TPO: variants seen among roughly 807,000 people sequenced by gnomAD.
TPO encodes thyroid microsomal antigen.
In TPO, 78 loss-of-function variants were observed where a neutral mutation model predicts 96.9. That is an observed-to-expected ratio of 0.81 (90% confidence interval 0.67 to 0.97). The LOEUF is 0.97. TPO is among the 50% of genes least tolerant of loss of function. The pLI, the probability that TPO is intolerant of heterozygous loss-of-function variation, is 0.00. For missense variants in TPO, 1,252 were observed against 1,274.8 expected (o/e 0.98, Z 0.27); for synonymous variants, 547 against 538.0 (o/e 1.02, Z -0.23).
At chr2:1,465,517 C>T (rs1668818757) in intron 7 of TPO, among the ~76,000 whole-genome samples, 1 of 152,056 alleles carries the variant, frequency 6.6e-6, no homozygotes, top group Non-Finnish European at 1.5e-5. Flanking sequence ...AATATTGACT[C>T]TACCCATCCA....
intron 10 of TPO, among the ~76,000 whole-genome samples, chr2:1,491,687 T>G (rs1202688413): frequency 6.6e-6 from 1 of 152,230 alleles, no homozygotes; most frequent in Non-Finnish European, 1.5e-5. Context: ...AAACCAAGTG[T>G]CTACAGGTTA....
At chr2:1,421,254 A>G (rs1419118403) in intron 2 of TPO, among the ~76,000 whole-genome samples, 1 of 152,182 alleles carries the variant, frequency 6.6e-6, no homozygotes, top group African/African-American at 2.4e-5. Context: ...CTGTAAAACC[A>G]TCCTAAGACG....
chr2:1,441,468 G>A (rs757485762), intron 5 of TPO, among the ~76,000 whole-genome samples: 5 of 152,218 alleles, frequency 3.3e-5, no homozygotes, highest in Non-Finnish European at 7.3e-5. Flanking sequence ...TAAAGCTTAA[G>A]ATATTAGGAA....
intron 15 of TPO, among the ~76,000 whole-genome samples, chr2:1,520,961 T>C (rs1675193089): frequency 6.6e-6 from 1 of 152,206 alleles, no homozygotes; most frequent in African/African-American, 2.4e-5. Context: ...GCAGTTCCAG[T>C]CCTTTCTCCA....
chr2:1,536,807 T>A (rs1573652608), intron 15 of TPO, among the ~76,000 whole-genome samples: 1 of 58,094 alleles, frequency 1.7e-5, no homozygotes, highest in Non-Finnish European at 3.3e-5. Flanking sequence ...CTGTGCAACC[T>A]CCCCAAATCC....
intron 3 of TPO, among the ~76,000 whole-genome samples, chr2:1,425,204 A>AT (rs1290643546): frequency 4.1e-5 from 3 of 73,522 alleles, no homozygotes; most frequent in Non-Finnish European, 6.3e-5. Context: ...CTGTAAAGTC[A>AT]TGTTCTAGAT....
At chr2:1,378,562 G>C (rs540500887) in intron 1 of TPO, among the ~76,000 whole-genome samples, 2 of 152,372 alleles carry the variant, frequency 1.3e-5, no homozygotes, top group African/African-American at 4.8e-5. Context: ...AGGTGTCTGA[G>C]AAAGCGTCAA....
chr2:1,491,869 A>C (rs1671797885), intron 10 of TPO, among the ~76,000 whole-genome samples: 1 of 152,218 alleles, frequency 6.6e-6, no homozygotes, highest in Admixed American at 6.5e-5. Flanking sequence ...GGGATGGCCC[A>C]TCTGGAGACA....
intron 10 of TPO, among the ~76,000 whole-genome samples, chr2:1,492,165 T>TG (rs1447951271): frequency 4.5e-5 from 2 of 44,380 alleles, no homozygotes; most frequent in African/African-American, 1.5e-4. Context: ...TTGTTTTTTG[T>TG]TTTTTTGAGA....
chr2:1,540,753 C>G, intron 16 of TPO, 30 bp downstream of exon 16: 1 of 1,613,254 alleles, frequency 6.2e-7, no homozygotes, highest in East Asian at 2.2e-5. Context: ...ATGTTTCCAG[C>G]TGCCACCGCA....
At chr2:1,482,544 A>G (rs553672871) in intron 8 of TPO, among the ~76,000 whole-genome samples, 7 of 152,236 alleles carry the variant, frequency 4.6e-5, no homozygotes, top group Non-Finnish European at 1.0e-4. Flanking sequence ...CCGGTCTCAC[A>G]GTATGGCGTC....
chr2:1,452,147 G>A (rs1446456959), intron 5 of TPO, among the ~76,000 whole-genome samples: 4 of 151,964 alleles, frequency 2.6e-5, no homozygotes, highest in African/African-American at 9.7e-5. Context: ...TGAGCACAAG[G>A]GCCTCAGTGT....
chr2:1,404,068 A>G (rs1662212595), intron 1 of TPO, among the ~76,000 whole-genome samples: 1 of 152,228 alleles, frequency 6.6e-6, no homozygotes, highest in African/African-American at 2.4e-5. Flanking sequence ...ACCCATAGCT[A>G]TGGATCTCCC....
intron 11 of TPO, 106 bp from the exon 12 acceptor site, chr2:1,495,883 C>A: frequency 7.6e-7 from 1 of 1,317,714 alleles, no homozygotes; most frequent in Non-Finnish European, 1.1e-6. Flanking sequence ...TGGGCAGACG[C>A]CGCAGGAGAG....
intron 7 of TPO, among the ~76,000 whole-genome samples, chr2:1,472,581 G>T (rs1029916700): frequency 2.6e-5 from 4 of 152,100 alleles, no homozygotes; most frequent in Admixed American, 6.5e-5. Context: ...CTTACGGCTG[G>T]ACTGTTCCAC....
At chr2:1,414,992 G>A (rs1252717653) in intron 2 of TPO, among the ~76,000 whole-genome samples, 4 of 147,598 alleles carry the variant, frequency 2.7e-5, no homozygotes, top group Non-Finnish European at 5.9e-5. Context: ...GAATACTGCA[G>A]GGGCATTTGC....
chr2:1,376,539 G>C (rs1201387469), intron 1 of TPO, among the ~76,000 whole-genome samples: 1 of 152,136 alleles, frequency 6.6e-6, no homozygotes, highest in African/African-American at 2.4e-5. Flanking sequence ...ATTCGCGGGA[G>C]CACCAGCGTG....
intron 5 of TPO, among the ~76,000 whole-genome samples, chr2:1,439,587 C>T (rs565264742): frequency 1.3e-5 from 2 of 152,088 alleles, no homozygotes; most frequent in Non-Finnish European, 2.9e-5. Flanking sequence ...TGGAGCCTAC[C>T]TCTTTGCATC....
intron 15 of TPO, among the ~76,000 whole-genome samples, chr2:1,527,834 TGTGCAACCTCCTCAAATCCCCCCC>T (rs1676957356): frequency 2.1e-5 from 3 of 139,906 alleles, no homozygotes; most frequent in African/African-American, 5.5e-5. Context: ...CCCCATACTG[TGTGCAACCTCCTCAAATCCCCCCC>T]ACTGTGTTCA....
Sources: gnomAD v4.1 joint callset for allele counts (sites outside exome capture counted in the v4.1 genomes callset) on GRCh38, gnomAD v4.1.1 for gene constraint, MANE v1.5 for transcripts, NCBI Gene and HGNC (gene_info 2026-07-23, HGNC 2026-07-21) for gene names.